Variants in ADCY5 observed in about 807,000 individuals in gnomAD.
ADCY5 encodes adenylate cyclase type 5.
A neutral mutation model predicts 119.7 loss-of-function variants in ADCY5; 30 were observed. The observed-to-expected ratio is 0.25, with a 90% CI of 0.19 to 0.34. The LOEUF (loss-of-function observed/expected upper bound fraction) is 0.34. Among genes scored for constraint, ADCY5 ranks in the 10% least tolerant of loss-of-function variants. The probability of loss-of-function intolerance (pLI) is 1.00; values close to 1 mark genes in which losing one functional copy is unlikely to be tolerated. For missense variants in ADCY5, 1,324 were observed against 1,775.2 expected (o/e 0.75, Z 4.57); for synonymous variants, 753 against 762.2 (o/e 0.99, Z 0.20).
intron 1 of ADCY5, among the ~76,000 whole-genome samples, chr3:123,439,452 T>TAAGAACAAA (rs902256852): frequency 9.9e-5 from 15 of 152,212 alleles, no homozygotes; most frequent in African/African-American, 2.2e-4. Context: ...AGATCTACGG[T>TAAGAACAAA]AAGAACAAAT....
At position 123,368,360 on chromosome 3, in the gene ADCY5, C is replaced by T. The variant is rs148412252; in HGVS notation, c.1135-15779G>A. ...CCTGTAATCCCAGCACTTTGGGAGGCCAAGACGGGTGGGTCACTTGAGGTC... is the reference window on the plus strand; with the variant it reads ...CCTGTAATCCCAGCACTTTGGGAGGTCAAGACGGGTGGGTCACTTGAGGTC... On this transcript the variant is annotated intron_variant, in intron 1 of 20. Transcript: ENST00000462833. Among the ~76,000 whole-genome samples, 483 of 152,300 alleles carry T rather than the reference C, an allele frequency of 3.2e-3. 1 individual carries two copies. Among genetic ancestry groups the T allele is most frequent in the African/African-American group, 0.011 (453 of 41,550 alleles).
In ADCY5 at chr3:123,352,418, G is replaced by T; in HGVS notation, c.1284+14C>A. ...GACTCCGTCCCACTGTGCAAGGGCAGGGGCCTCACTCACCTGCTGCTGGTT... is the reference window on the plus strand; with the variant it reads ...GACTCCGTCCCACTGTGCAAGGGCATGGGCCTCACTCACCTGCTGCTGGTT... On this transcript the variant is annotated intron_variant, in intron 2 of 20. Transcript: ENST00000462833. This position sits in a 1 kb window ranked among gnomAD's most constrained non-coding sequence, Gnocchi z 4.8. The T allele has an allele frequency of 6.2e-7, 1 of 1,608,530 alleles. No individual in the cohort carries two copies. The highest frequency in any genetic ancestry group is 1.1e-5 in the South Asian group (1 of 90,716).
intron 19 of ADCY5, among the ~76,000 whole-genome samples, chr3:123,287,815 T>C (rs941820241): frequency 3.9e-5 from 6 of 152,186 alleles, no homozygotes; most frequent in Admixed American, 3.3e-4. Context: ...AGCCTGAGTC[T>C]GTAGGAGGGG....
chr3:123,284,699 G>A lies in ADCY5; in HGVS notation c.3695C>T (p.Thr1232Met), dbSNP rs201599722. ...TDMYQVLAAN[T>M]YQLECRGVVK... ...CACGCCCCGGCACTCCAGCTGGTAC[G>A]TGTTGGCAGCCAGCACCTGGTACAT... is the stretch of plus-strand genomic sequence containing the variant. The change falls in exon 21 of 21, where the codon ACG becomes ATG. Residue 1232 changes from threonine to methionine, a missense_variant. Thr to Met is a moderately conservative substitution (Grantham distance 81). Coordinates refer to ENST00000462833, the MANE Select transcript of ADCY5 (RefSeq NM_183357.3). 23 of 1,614,240 alleles carry A rather than the reference G, an allele frequency of 1.4e-5. No homozygotes were observed. The highest frequency in any genetic ancestry group is 4.5e-5 in the East Asian group (2 of 44,884).
At position 123,448,465 on chromosome 3, in the gene ADCY5, T is replaced by C. The variant is rs1215568096; in HGVS notation, c.81A>G (p.Glu27=). 7.8e-7 allele frequency: 1 copy of C among 1,277,186 alleles called. No individual in the cohort carries two copies. The highest frequency in any genetic ancestry group is 9.9e-7 in the Non-Finnish European group (1 of 1,013,668). The allele number at this position is 1,277,186 out of a possible 1,614,324, so 79.1% of individuals were successfully genotyped here. A position where few individuals can be genotyped will look rare whatever the true frequency, so the allele number is the denominator to read the frequency against. The part of the protein sequence containing the change: ...TAAPAPRGGP[E]HRSAWGEADS... ...CGGCCTCGCCCCACGCAGAGCGGTGTTCGGGGCCTCCCCGGGGCGCCGGCG... is the reference window on the plus strand; with the variant it reads ...CGGCCTCGCCCCACGCAGAGCGGTGCTCGGGGCCTCCCCGGGGCGCCGGCG... Residue 27 remains glutamate (E), a synonymous_variant, in exon 1 of 21, where the codon GAA becomes GAG. Transcript: ENST00000462833.
intron 1 of ADCY5, among the ~76,000 whole-genome samples, chr3:123,431,218 G>A: frequency 6.6e-6 from 1 of 152,194 alleles, no homozygotes; most frequent in East Asian, 1.9e-4. Context: ...TTACAGCGGA[G>A]TCAAAGACAG....
intron 16 of ADCY5, 139 bp from the exon 17 acceptor site, chr3:123,296,355 CTT>C: frequency 9.6e-7 from 1 of 1,038,260 alleles, no homozygotes; most frequent in Non-Finnish European, 1.4e-6. Flanking sequence ...CCTGCTCAAA[CTT>C]TGCCGCACGC....
At chr3:123,338,769 C>A (rs1249036354) in intron 3 of ADCY5, among the ~76,000 whole-genome samples, 3 of 152,224 alleles carry the variant, frequency 2.0e-5, no homozygotes, top group Non-Finnish European at 4.4e-5. Flanking sequence ...GCCCTTCAGC[C>A]CTCCACAGCA....
intron 12 of ADCY5, among the ~76,000 whole-genome samples, chr3:123,305,603 T>C (rs530366908): frequency 2.3e-4 from 35 of 151,842 alleles, no homozygotes; most frequent in African/African-American, 8.2e-4. Flanking sequence ...ACATGAGTAA[T>C]AAAGTTTTTG....
In ADCY5 at chr3:123,291,425, T is replaced by C. The variant is rs556856877; in HGVS notation, c.3064-49A>G. The C allele has an allele frequency of 6.2e-5, 97 of 1,572,258 alleles. No homozygotes were observed. In the South Asian group the frequency reaches 1.0e-3, roughly 17 times the overall value. Reference sequence around the variant, plus strand: ...ACCCAGATGCCAATGTGAGCCCAGATGTCGGCCCCTCCACCTCCTCCTCTC... The same window carrying C: ...ACCCAGATGCCAATGTGAGCCCAGACGTCGGCCCCTCCACCTCCTCCTCTC... On this transcript the variant is annotated intron_variant, in intron 17 of 20. Coordinates refer to ENST00000462833, the MANE Select transcript of ADCY5 (RefSeq NM_183357.3).
chr3:123,445,970 C>A (rs1478855589), intron 1 of ADCY5, among the ~76,000 whole-genome samples: 1 of 152,112 alleles, frequency 6.6e-6, no homozygotes, highest in Non-Finnish European at 1.5e-5. Flanking sequence ...CAGAAGACCA[C>A]GAGGTCAGTG....
At chr3:123,443,082 C>T (rs1223639979) in intron 1 of ADCY5, among the ~76,000 whole-genome samples, 3 of 152,172 alleles carry the variant, frequency 2.0e-5, no homozygotes. Flanking sequence ...TCCACTCTAC[C>T]CAGCGTCTCA....
intron 1 of ADCY5, among the ~76,000 whole-genome samples, chr3:123,381,416 C>T (rs926475246): frequency 6.6e-6 from 1 of 152,248 alleles, no homozygotes; most frequent in Non-Finnish European, 1.5e-5. Context: ...TCCCCAAAGA[C>T]GTGGCTGGGA....
chr3:123,291,967 G>T (rs1939182622), intron 17 of ADCY5, among the ~76,000 whole-genome samples: 1 of 152,194 alleles, frequency 6.6e-6, no homozygotes, highest in Admixed American at 6.5e-5. Flanking sequence ...CTGGGATGAG[G>T]ATGGGACATC....
intron 1 of ADCY5, among the ~76,000 whole-genome samples, chr3:123,360,188 T>C (rs1421100695): frequency 6.6e-6 from 1 of 152,116 alleles, no homozygotes; most frequent in Non-Finnish European, 1.5e-5. Flanking sequence ...CAAAGCTGCA[T>C]TATCTCTGCT....
At chr3:123,439,147 A>G (rs1945678953) in intron 1 of ADCY5, among the ~76,000 whole-genome samples, 1 of 140,058 alleles carries the variant, frequency 7.1e-6, no homozygotes, top group African/African-American at 2.7e-5. Flanking sequence ...GGCTCACTGC[A>G]AGCTCCGCCT....
intron 2 of ADCY5, among the ~76,000 whole-genome samples, chr3:123,350,854 C>A (rs891680802): frequency 2.0e-5 from 3 of 152,106 alleles, no homozygotes; most frequent in African/African-American, 7.2e-5. Context: ...AGAGGCACAG[C>A]CCCAAAAATG....
chr3:123,328,281 C>T (rs1941591010), intron 6 of ADCY5, among the ~76,000 whole-genome samples: 1 of 152,094 alleles, frequency 6.6e-6, no homozygotes, highest in African/African-American at 2.4e-5. Flanking sequence ...ACCTTCCTCA[C>T]CCCTCCCAGT....
intron 1 of ADCY5, among the ~76,000 whole-genome samples, chr3:123,408,349 T>G (rs1256015452): frequency 3.3e-5 from 5 of 151,498 alleles, no homozygotes; most frequent in African/African-American, 7.3e-5. Flanking sequence ...TTTTTTGTTT[T>G]TTTTTTTTTT....
Sources: allele counts gnomAD v4.1 joint callset (sites outside exome capture counted in the v4.1 genomes callset), GRCh38; gene constraint gnomAD v4.1.1; non-coding constraint Gnocchi (gnomAD v3.1); transcripts MANE v1.5; gene names NCBI Gene and HGNC (gene_info 2026-07-23, HGNC 2026-07-21).